KANK2: variants seen among roughly 807,000 people sequenced by gnomAD.
KANK2 encodes KN motif and ankyrin repeat domains 2, also known as KN motif and ankyrin repeat domain-containing protein 2.
KANK2 carries 41 observed loss-of-function variants against 74.6 expected under a neutral mutation model. The observed-to-expected ratio is 0.55, with a 90% confidence interval of 0.43 to 0.71. KANK2 has a LOEUF of 0.71. Among genes scored for constraint, KANK2 ranks in the 30% least tolerant of loss-of-function variants. The pLI, the probability that KANK2 is intolerant of heterozygous loss-of-function variation, is 0.00. For synonymous variants in KANK2, 537 were observed against 519.0 expected, an observed-to-expected ratio of 1.03 and a Z score of -0.47; for missense variants, 1,148 against 1,196.4, an observed-to-expected ratio of 0.96 and a Z score of 0.60.
chr19:11,181,159 A>T (rs1364260715), intron 4 of KANK2, among the ~76,000 whole-genome samples: 1 of 150,974 alleles, frequency 6.6e-6, no homozygotes, highest in Non-Finnish European at 1.5e-5. Context: ...TATTATGCTA[A>T]GTGAAAGAAG....
Position 11,174,512 on chromosome 19 carries a change from G to A in KANK2, c.2029C>T (p.His677Tyr). 1 of 1,613,450 alleles carries A rather than the reference G, an allele frequency of 6.2e-7. No individual in the cohort carries two copies. Among genetic ancestry groups the A allele is most frequent in the Non-Finnish European group, 8.5e-7 (1 of 1,179,756 alleles). Residue 677 changes from histidine to tyrosine, a missense_variant, in exon 9 of 13, where the codon CAT becomes TAT. Coordinates refer to ENST00000586659, the MANE Select transcript of KANK2 (RefSeq NM_001136191.3). ...TGCTGCACCACGGGGAAGTTGGCAT[G>A]AGACACGGAGTAGTGCAGGGCTGTG... ...GNTALHYSVS[H>Y]ANFPVVQQLL... is the part of the protein sequence containing the mutation.
At chr19:11,166,991 G>T (rs111398237) in intron 12 of KANK2, among the ~76,000 whole-genome samples, 6 of 152,302 alleles carry the variant, frequency 3.9e-5, no homozygotes, top group African/African-American at 1.4e-4. Flanking sequence ...GTGGCTAGAG[G>T]GGGAGAGAAA....
At chr19:11,190,216 C>G (rs1339781109) in intron 4 of KANK2, among the ~76,000 whole-genome samples, 1 of 151,974 alleles carries the variant, frequency 6.6e-6, no homozygotes, top group African/African-American at 2.4e-5. Context: ...CCCAATGCAA[C>G]CTCCGCCTCC....
intron 4 of KANK2, among the ~76,000 whole-genome samples, chr19:11,189,098 T>TCCCC (rs71297565): frequency 4.3e-4 from 55 of 126,568 alleles, no homozygotes; most frequent in South Asian, 1.6e-3. Context: ...ATTGATTCTC[T>TCCCC]CCCCCCCCAC....
Position 11,193,108 on chromosome 19 carries a change from C to A in KANK2, c.972G>T (p.Pro324=), listed in dbSNP as rs115571447. ...QPQAWPPPDS[P]VRVDTVRVVE... ...CCACCCGGACTGTATCCACGCGGAC[C>A]GGGCTGTCCGGCGGTGGCCAGGCCT... The change falls in exon 4 of 13, where the codon CCG becomes CCT. Residue 324 remains proline (P), a synonymous_variant. Coordinates refer to ENST00000586659, the MANE Select transcript of KANK2 (RefSeq NM_001136191.3). This position sits in a 1 kb window ranked among gnomAD's most constrained non-coding sequence, Gnocchi z 9.6. The A allele has an allele frequency of 1.2e-6, 2 of 1,605,558 alleles. No homozygotes were observed. Among genetic ancestry groups the A allele is most frequent in the South Asian group, 2.2e-5 (2 of 90,284 alleles).
At chr19:11,190,391 G>C (rs369375389) in intron 4 of KANK2, among the ~76,000 whole-genome samples, 1 of 152,208 alleles carries the variant, frequency 6.6e-6, no homozygotes, top group African/African-American at 2.4e-5. Flanking sequence ...GCCTCCCAAA[G>C]TGCTAGGATT....
chr19:11,181,307 C>T (rs1036066742), intron 4 of KANK2, among the ~76,000 whole-genome samples: 19 of 151,140 alleles, frequency 1.3e-4, no homozygotes, highest in African/African-American at 3.2e-4. Flanking sequence ...AGGGCAGTGG[C>T]GTGATCTCGG....
chr19:11,194,287 C>T (rs943179973), intron 3 of KANK2, among the ~76,000 whole-genome samples, 188 bp downstream of exon 3: 4 of 152,052 alleles, frequency 2.6e-5, no homozygotes, highest in African/African-American at 7.2e-5. Flanking sequence ...TAGACTACCC[C>T]CTTTTTCCGG....
At chr19:11,187,371 AGAT>A (rs1056475368) in intron 4 of KANK2, among the ~76,000 whole-genome samples, 3 of 152,188 alleles carry the variant, frequency 2.0e-5, no homozygotes, top group Admixed American at 1.3e-4. Flanking sequence ...AAACAGAAAG[AGAT>A]TTTTTTCTGA....
chr19:11,179,906 G>C (rs1274605445), intron 4 of KANK2, among the ~76,000 whole-genome samples: 2 of 152,190 alleles, frequency 1.3e-5, no homozygotes, highest in Non-Finnish European at 2.9e-5. Context: ...CTTCACTGAA[G>C]CTTGAGTGCA....
chr19:11,175,035 G>A (rs1291028556), intron 8 of KANK2, among the ~76,000 whole-genome samples: 1 of 149,722 alleles, frequency 6.7e-6, no homozygotes, highest in Non-Finnish European at 1.5e-5. Flanking sequence ...AGGACTCACT[G>A]CAGCCTCAAC....
In KANK2 at chr19:11,193,906, C is replaced by G. The variant is rs779215990; in HGVS notation, c.174G>C (p.Thr58=). ...GGCGCTGCACTGCCACGCGTCGCAG[C>G]GTGTGGCCCTTCTCGATGTCATCCA... The part of the protein sequence containing the change: ...KYVDDIEKGH[T]LRRVAVQRRP... Residue 58 remains threonine (T), a synonymous_variant, in exon 4 of 13, where the codon ACG becomes ACC. Transcript: ENST00000586659. The surrounding 1 kb of genome is among the most constrained non-coding windows in gnomAD (Gnocchi z 9.6). 16 of 1,613,694 alleles carry G rather than the reference C, an allele frequency of 9.9e-6. No homozygotes were observed. Among genetic ancestry groups the G allele is most frequent in the African/African-American group, 1.3e-5 (1 of 74,904 alleles).
intron 12 of KANK2, among the ~76,000 whole-genome samples, chr19:11,166,878 G>A (rs980331067): frequency 2.6e-5 from 4 of 152,138 alleles, no homozygotes; most frequent in Non-Finnish European, 5.9e-5. Flanking sequence ...GACTGTGAAC[G>A]GCATCAAGGA....
chr19:11,179,906 G>A (rs1274605445), intron 4 of KANK2, among the ~76,000 whole-genome samples: 2 of 152,190 alleles, frequency 1.3e-5, no homozygotes, highest in East Asian at 3.9e-4. Flanking sequence ...CTTCACTGAA[G>A]CTTGAGTGCA....
At chr19:11,188,515 C>CT (rs56971061) in intron 4 of KANK2, among the ~76,000 whole-genome samples, 8,791 of 133,328 alleles carry the variant, frequency 0.066, 543 homozygotes, top group African/African-American at 0.17. Flanking sequence ...CATGTAAATT[C>CT]TTTTTTTTTT....
intron 4 of KANK2, among the ~76,000 whole-genome samples, chr19:11,187,148 T>C (rs968312474): frequency 6.6e-6 from 1 of 151,984 alleles, no homozygotes; most frequent in African/African-American, 2.4e-5. Flanking sequence ...TCCCAGCTAC[T>C]TGGGAGGCTG....
chr19:11,179,272 C>T (rs1029718019), intron 4 of KANK2, among the ~76,000 whole-genome samples: 17 of 148,546 alleles, frequency 1.1e-4, no homozygotes, highest in African/African-American at 3.7e-4. Flanking sequence ...GCAGAGATCA[C>T]GCCAATGCAC....
In KANK2 at chr19:11,194,593, G is replaced by T; in HGVS notation, c.-79-3C>A. 1 of 1,175,896 alleles carries T rather than the reference G, an allele frequency of 8.5e-7. No individual in the cohort carries two copies. The highest frequency in any genetic ancestry group is 1.3e-6 in the Non-Finnish European group (1 of 785,954). 72.8% of individuals were successfully genotyped at this position (1,175,896 alleles called of 1,614,324 possible). The stretch of plus-strand genomic sequence containing the variant: ...CTGCAGCACCGGCTGAGGCTTACCT[G>T]GGGAAAGAGAACCACGGCGCCGGGA... On this transcript the variant is annotated splice_region_variant and splice_polypyrimidine_tract_variant and intron_variant, in intron 2 of 12. Transcript: ENST00000586659.
At chr19:11,194,122 T>C (rs2078946777) in intron 3 of KANK2, 80 bp from the exon 4 acceptor site, 15 of 1,457,910 alleles carry the variant, frequency 1.0e-5, no homozygotes, top group Admixed American at 4.8e-5. Context: ...TGGGGAGAGT[T>C]GGGGTTTATT....
Sources: gnomAD v4.1 joint callset for allele counts (sites outside exome capture counted in the v4.1 genomes callset) on GRCh38, gnomAD v4.1.1 for gene constraint, Gnocchi (gnomAD v3.1) non-coding constraint, MANE v1.5 for transcripts, NCBI Gene and HGNC (gene_info 2026-07-23, HGNC 2026-07-21) for gene names.